Variants in EVC2 observed in about 807,000 individuals in gnomAD.
The protein encoded by EVC2 is limbin.
Under a neutral mutation model 149.3 loss-of-function variants are expected in EVC2, and 148 were observed. The observed-to-expected ratio is 0.99, with a 90% confidence interval of 0.87 to 1.14. EVC2 has a LOEUF of 1.14. Ranked by LOEUF, EVC2 falls within the 50% of genes most tolerant of loss-of-function variation. The pLI, the probability that EVC2 is intolerant of heterozygous loss-of-function variation, is 0.00. For synonymous variants in EVC2, 776 were observed against 649.9 expected (o/e 1.19, Z -2.95); for missense variants, 1,854 against 1,627.3 (o/e 1.14, Z -2.40).
chr4:5,643,748 C>A (rs1221292869), intron 9 of EVC2, among the ~76,000 whole-genome samples: 1 of 152,134 alleles, frequency 6.6e-6, no homozygotes. Context: ...TGGTGAAATG[C>A]CATCTCCACT....
chr4:5,672,375 T>G (rs1001507748), intron 7 of EVC2, among the ~76,000 whole-genome samples: 2 of 152,208 alleles, frequency 1.3e-5, no homozygotes, highest in Non-Finnish European at 1.5e-5. Context: ...ACTAAGAGGC[T>G]TTAAGCCATG....
the EVC2 span, among the ~76,000 whole-genome samples, chr4:5,530,724 T>C: frequency 2.6e-5 from 4 of 152,242 alleles, no homozygotes; most frequent in African/African-American, 9.6e-5. Context: ...TTTTAGCTGA[T>C]TGAGGTTACC....
intron 20 of EVC2, 21 bp downstream of exon 20, chr4:5,568,423 C>G: frequency 6.5e-7 from 1 of 1,540,252 alleles, no homozygotes; most frequent in African/African-American, 1.4e-5. Context: ...CCCCGGGAGG[C>G]AGCCCCTCCA....
At chr4:5,649,728 G>A (rs551118912) in intron 9 of EVC2, among the ~76,000 whole-genome samples, 6 of 152,276 alleles carry the variant, frequency 3.9e-5, no homozygotes, top group South Asian at 2.1e-4. Flanking sequence ...GGTAGCAGGT[G>A]TAAGCACAAT....
rs1449699438 is a variant in EVC2, at chr4:5,694,651, T to C, written c.284-150A>G. 3 of 856,066 alleles carry C rather than the reference T, an allele frequency of 3.5e-6. No homozygotes were observed. In the Admixed American group the frequency reaches 6.4e-5, roughly 18 times the overall value. 53.0% of individuals were successfully genotyped at this position (856,066 alleles called of 1,614,324 possible). On this transcript the variant is annotated intron_variant, in intron 2 of 21. Transcript: ENST00000344408. ...GTTAATGAAGGAATGAATGATATCATCTCTTTGCCAGGAAAATGAGACATG... is the reference window on the plus strand; with the variant it reads ...GTTAATGAAGGAATGAATGATATCACCTCTTTGCCAGGAAAATGAGACATG...
At chr4:5,570,507 C>T (rs1193038592) in intron 19 of EVC2, among the ~76,000 whole-genome samples, 1 of 152,166 alleles carries the variant, frequency 6.6e-6, no homozygotes, top group Admixed American at 6.5e-5. Context: ...CAGAAATGGA[C>T]CACAAAGTGT....
At chr4:5,570,799 G>C (rs559333676) in intron 19 of EVC2, among the ~76,000 whole-genome samples, 2 of 152,170 alleles carry the variant, frequency 1.3e-5, no homozygotes, top group African/African-American at 4.8e-5. Flanking sequence ...ATACACCATA[G>C]AATACTACTC....
At chr4:5,660,062 C>A (rs1439113537) in intron 9 of EVC2, among the ~76,000 whole-genome samples, 1 of 152,214 alleles carries the variant, frequency 6.6e-6, no homozygotes, top group Admixed American at 6.5e-5. Flanking sequence ...TCTCCCATTG[C>A]TCGTCCATTT....
intron 19 of EVC2, among the ~76,000 whole-genome samples, chr4:5,568,895 A>C (rs1722478331): frequency 6.6e-6 from 1 of 152,114 alleles, no homozygotes. Flanking sequence ...GGCAGTACCC[A>C]AATCCCCACA....
chr4:5,675,886 G>A (rs780761560), intron 7 of EVC2, among the ~76,000 whole-genome samples: 1 of 152,224 alleles, frequency 6.6e-6, no homozygotes, highest in Non-Finnish European at 1.5e-5. Flanking sequence ...AGAGGTTGCC[G>A]TGAGCCGAGA....
chr4:5,615,525 T>G lies in EVC2; in HGVS notation c.2726A>C (p.Lys909Thr). 1 of 1,614,220 alleles carries G rather than the reference T, an allele frequency of 6.2e-7. No individual in the cohort carries two copies. The highest frequency in any genetic ancestry group is 8.5e-7 in the Non-Finnish European group (1 of 1,180,036). ...PELQQQSKVR[K>T]SRSKSKSKGE... ...CTTGCTTTTACTCTTGGACCGTGACTTTCTCACCTTGGACTGTTGCTGGAG... is the reference window on the plus strand; with the variant it reads ...CTTGCTTTTACTCTTGGACCGTGACGTTCTCACCTTGGACTGTTGCTGGAG... The change falls in exon 16 of 22, where the codon AAG (lysine) becomes ACG (threonine). Residue 909 changes from lysine to threonine, a missense_variant. By Grantham distance (78) the Lys-to-Thr change is moderately conservative. Coordinates refer to ENST00000344408, the MANE Select transcript of EVC2 (RefSeq NM_147127.5).
At position 5,640,908 on chromosome 4, in the gene EVC2, C is replaced by G. The variant is rs574930208; in HGVS notation, c.1146-70G>C. 7.0e-6 allele frequency: 11 copies of G among 1,572,946 alleles called. No homozygotes were observed. The African/African-American group carries it at 1.2e-4, about 17-fold the overall frequency. Reference sequence around the variant, plus strand: ...AACAGAAACCAAAGGTCTTTCAAAGCTCTGAGGTTTTCATTTATGTGTAGG... The same window carrying G: ...AACAGAAACCAAAGGTCTTTCAAAGGTCTGAGGTTTTCATTTATGTGTAGG... On this transcript the variant is annotated intron_variant, in intron 9 of 21. Transcript: ENST00000344408. This position sits in a 1 kb window ranked among gnomAD's most constrained non-coding sequence, Gnocchi z 4.6.
intron 1 of EVC2, among the ~76,000 whole-genome samples, chr4:5,700,264 C>T (rs1312673476): frequency 6.6e-6 from 1 of 152,224 alleles, no homozygotes; most frequent in Non-Finnish European, 1.5e-5. Flanking sequence ...TAAAACTCTT[C>T]TAAAAATTAC....
intron 21 of EVC2, among the ~76,000 whole-genome samples, chr4:5,552,390 C>CT (rs1721753988): frequency 6.6e-6 from 1 of 152,180 alleles, no homozygotes; most frequent in East Asian, 1.9e-4. Flanking sequence ...CCTGGTGTAC[C>CT]TTTTTCTATT....
intron 16 of EVC2, among the ~76,000 whole-genome samples, chr4:5,608,235 G>T (rs1050452009): frequency 6.6e-6 from 1 of 152,156 alleles, no homozygotes; most frequent in African/African-American, 2.4e-5. Context: ...CACCCAGCAG[G>T]TACTCCCAGT....
Position 5,684,781 on chromosome 4 carries a change from G to A in EVC2, c.816+589C>T, listed in dbSNP as rs117289649. ...ATTTGGAGACAGGGTCTTTACAGAG[G>A]TAGTAAGGTAAAGTGAGGTTGCTAG... On this transcript the variant is annotated intron_variant, in intron 6 of 21. Coordinates refer to ENST00000344408, the MANE Select transcript of EVC2 (RefSeq NM_147127.5). 3.5e-3 allele frequency among the ~76,000 whole-genome samples: 540 copies of A among 152,292 alleles called. 15 individuals carry two copies. In the East Asian group the frequency reaches 0.055, roughly 15 times the overall value.
At chr4:5,668,933 C>G (rs1446921719) in intron 7 of EVC2, among the ~76,000 whole-genome samples, 1 of 152,160 alleles carries the variant, frequency 6.6e-6, no homozygotes, top group Non-Finnish European at 1.5e-5. Flanking sequence ...AAGATGAGGT[C>G]ATACTGGGTC....
intron 2 of EVC2, 100 bp from the exon 3 acceptor site, chr4:5,694,601 T>C: frequency 7.2e-7 from 1 of 1,382,928 alleles, no homozygotes; most frequent in South Asian, 1.2e-5. Context: ...GGAAGGTACT[T>C]AGAAGACGTT....
chr4:5,543,319 C>T, intron 21 of EVC2: 1 of 530,088 alleles, frequency 1.9e-6, no homozygotes, highest in Non-Finnish European at 3.1e-6. Context: ...TAAACACACT[C>T]TTCCCTTCTT....
Sources: gnomAD v4.1 joint callset for allele counts (sites outside exome capture counted in the v4.1 genomes callset) on GRCh38, gnomAD v4.1.1 for gene constraint, Gnocchi (gnomAD v3.1) non-coding constraint, MANE v1.5 for transcripts, NCBI Gene and HGNC (gene_info 2026-07-23, HGNC 2026-07-21) for gene names.